The following ZNF567 variants were observed in gnomAD, a reference collection of about 807,000 sequenced individuals.
The protein encoded by ZNF567 is zinc finger protein 567.
A neutral mutation model predicts 53.9 loss-of-function variants in ZNF567; 36 were observed. That is an observed-to-expected ratio of 0.67 (90% CI 0.51 to 0.88). The LOEUF is 0.88. ZNF567 is among the 40% of genes least tolerant of loss of function. ZNF567 has a pLI of 0.00. For missense variants in ZNF567, 619 were observed against 764.7 expected, an observed-to-expected ratio of 0.81 and a Z score of 2.25; for synonymous variants, 224 against 260.4, an observed-to-expected ratio of 0.86 and a Z score of 1.35.
In ZNF567 at chr19:36,719,619, C is replaced by T; in HGVS notation, c.895C>T (p.His299Tyr). ...AFRRKSYLID[H>Y]QRTHTGEKPF... ...TAGAAGGAAATCATATCTCATTGATCATCAGAGAACTCACACAGGAGAGAA... is the reference window on the plus strand; with the variant it reads ...TAGAAGGAAATCATATCTCATTGATTATCAGAGAACTCACACAGGAGAGAA... Residue 299 changes from histidine to tyrosine, a missense_variant, in exon 6 of 6, where the codon CAT becomes TAT. By Grantham distance (83) the His-to-Tyr change is moderately conservative (BLOSUM62 2). Transcript: ENST00000682579. 6.2e-7 allele frequency: 1 copy of T among 1,613,962 alleles called. No homozygotes were observed. Among genetic ancestry groups the T allele is most frequent in the Non-Finnish European group, 8.5e-7 (1 of 1,179,894 alleles).
the ZNF567 span, among the ~76,000 whole-genome samples, chr19:36,672,889 G>T: frequency 6.6e-6 from 1 of 152,174 alleles, no homozygotes; most frequent in African/African-American, 2.4e-5. Context: ...ATACATAATG[G>T]ATAATGGAAG....
downstream of ZNF567, among the ~76,000 whole-genome samples, chr19:36,722,608 GT>G (rs920758742): frequency 5.3e-5 from 8 of 152,110 alleles, no homozygotes; most frequent in African/African-American, 1.9e-4. Flanking sequence ...CCTGAAAATT[GT>G]TTTTTAAAAG....
chr19:36,716,966 C>T (rs572520837), intron 5 of ZNF567, among the ~76,000 whole-genome samples: 2 of 152,084 alleles, frequency 1.3e-5, no homozygotes, highest in Non-Finnish European at 2.9e-5. Flanking sequence ...GCTGGGAGTA[C>T]AGGTGCATGC....
chr19:36,720,015 T>C lies in ZNF567; in HGVS notation c.1291T>C (p.Ser431Pro). 6.2e-7 allele frequency: 1 copy of C among 1,611,886 alleles called. No individual in the cohort carries two copies. Among genetic ancestry groups the C allele is most frequent in the Non-Finnish European group, 8.5e-7 (1 of 1,179,496 alleles). ...TTGTAATGAATGTGGGAAATCCTTC[T>C]CCCAGAAGACAACCCTTGCTCTTCA... is the stretch of plus-strand genomic sequence containing the variant. ...YICNECGKSF[S>P]QKTTLALHEK... The change falls in exon 6 of 6, where the codon TCC (serine) becomes CCC (proline). Residue 431 changes from serine to proline, a missense_variant. Coordinates refer to ENST00000682579, the MANE Select transcript of ZNF567 (RefSeq NM_001322917.1).
Position 36,720,782 on chromosome 19 carries a change from T to C in ZNF567, c.*114T>C. The C allele has an allele frequency of 1.1e-6, 1 of 939,446 alleles. No homozygotes were observed. The highest frequency in any genetic ancestry group is 1.5e-6 in the Non-Finnish European group (1 of 663,370). 58.2% of individuals were successfully genotyped at this position (939,446 alleles called of 1,614,324 possible). ...TTTTAAATCACAAGTCTAATAATTA[T>C]TAAAGTACCATACGGAATAACTGTC... On this transcript the variant is annotated 3_prime_UTR_variant, in exon 6 of 6. Coordinates refer to ENST00000682579, the MANE Select transcript of ZNF567 (RefSeq NM_001322917.1).
At chr19:36,683,701 T>G (rs3108556), upstream of ZNF567, among the ~76,000 whole-genome samples, 1 of 151,822 alleles carries the variant, frequency 6.6e-6, no homozygotes, top group Non-Finnish European at 1.5e-5. Context: ...CGTGGTGACA[T>G]GCGCCTTGTA....
downstream of ZNF567, among the ~76,000 whole-genome samples, chr19:36,725,572 A>G (rs540172774): frequency 2.7e-4 from 41 of 152,200 alleles, no homozygotes; most frequent in African/African-American, 4.8e-4. Flanking sequence ...GAAGAAAGTT[A>G]TCTTGTTTAA....
chr19:36,706,698 G>A (rs1211449312), intron 3 of ZNF567, among the ~76,000 whole-genome samples: 1 of 125,442 alleles, frequency 8.0e-6, no homozygotes, highest in Non-Finnish European at 1.6e-5. Context: ...TTTTGAGACA[G>A]GATCTTGTTC....
intron 2 of ZNF567, among the ~76,000 whole-genome samples, chr19:36,693,951 A>G (rs771485125): frequency 6.6e-6 from 1 of 152,224 alleles, no homozygotes; most frequent in African/African-American, 2.4e-5. Context: ...GTAATCACAT[A>G]TAGGAGGAGC....
At position 36,720,936 on chromosome 19, in the gene ZNF567, AATAC is replaced by A. The variant is rs1157883512; in HGVS notation, c.*271_*274del. On this transcript the variant is annotated 3_prime_UTR_variant, in exon 6 of 6. Coordinates refer to ENST00000682579, the MANE Select transcript of ZNF567 (RefSeq NM_001322917.1). ...GTTTATTTTTTAAAAATACTTATAT[AATAC>A]ATGCAGAGACAAGATACACAATGAT... The A allele has an allele frequency of 3.0e-5, 7 of 229,808 alleles. No homozygotes were observed. The highest frequency in any genetic ancestry group is 5.9e-5 in the Non-Finnish European group (7 of 118,008). 14.2% of individuals were successfully genotyped at this position (229,808 alleles called of 1,614,324 possible). A position where few individuals can be genotyped will look rare whatever the true frequency, so the allele number is the denominator to read the frequency against.
At chr19:36,693,817 G>A (rs887782890) in intron 2 of ZNF567, among the ~76,000 whole-genome samples, 7 of 152,136 alleles carry the variant, frequency 4.6e-5, no homozygotes, top group Non-Finnish European at 8.8e-5. Flanking sequence ...AGATTCTGGA[G>A]TACTTTGTGA....
At chr19:36,676,009 T>A in the ZNF567 span, among the ~76,000 whole-genome samples, 1 of 149,768 alleles carries the variant, frequency 6.7e-6, no homozygotes, top group African/African-American at 2.4e-5. Flanking sequence ...CTGTAGCCAC[T>A]GTCAGCATGT....
Position 36,719,399 on chromosome 19 carries a change from G to A in ZNF567, c.675G>A (p.Leu225=), listed in dbSNP as rs1426849255. 6.2e-7 allele frequency: 1 copy of A among 1,613,746 alleles called. No homozygotes were observed. Among genetic ancestry groups the A allele is most frequent in the African/African-American group, 1.3e-5 (1 of 74,944 alleles). ...CEKSFLQRGG[L]ITHSRPYKGE... ...AATCATTCCTTCAAAGGGGAGGCCT[G>A]ATTACACATAGTAGACCTTACAAAG... The change falls in exon 6 of 6, where the codon CTG becomes CTA. Residue 225 remains leucine (L), a synonymous_variant. Transcript: ENST00000682579.
the ZNF567 span, among the ~76,000 whole-genome samples, chr19:36,679,644 C>T: frequency 6.6e-6 from 1 of 152,152 alleles, no homozygotes; most frequent in Non-Finnish European, 1.5e-5. Flanking sequence ...GAATACTATT[C>T]AGCCTTAAAC....
At position 36,719,977 on chromosome 19, in the gene ZNF567, A is replaced by G; in HGVS notation, c.1253A>G (p.Glu418Gly). Residue 418 changes from glutamate to glycine, a missense_variant, in exon 6 of 6, where the codon GAA (glutamate) becomes GGA (glycine). Coordinates refer to ENST00000682579, the MANE Select transcript of ZNF567 (RefSeq NM_001322917.1). Reference sequence around the variant, plus strand: ...GTACATCAGAGAACTCATACAGGGGAAAAGCCCTATATTTGTAATGAATGT... The same window carrying G: ...GTACATCAGAGAACTCATACAGGGGGAAAGCCCTATATTTGTAATGAATGT... ...LTVHQRTHTG[E>G]KPYICNECGK... The G allele has an allele frequency of 1.2e-6, 2 of 1,614,054 alleles. No individual in the cohort carries two copies. Among genetic ancestry groups the G allele is most frequent in the Non-Finnish European group, 1.7e-6 (2 of 1,180,008 alleles).
chr19:36,693,875 G>GA (rs1036249289), intron 2 of ZNF567, among the ~76,000 whole-genome samples: 12 of 151,914 alleles, frequency 7.9e-5, no homozygotes, highest in South Asian at 6.2e-4. Context: ...TTTTTACATA[G>GA]AAAAAAAACA....
downstream of ZNF567, among the ~76,000 whole-genome samples, chr19:36,724,995 G>A (rs2040330042): frequency 6.6e-6 from 1 of 151,956 alleles, no homozygotes; most frequent in Admixed American, 6.6e-5. Context: ...AATGATTAAT[G>A]TAGGTTTCTT....
At chr19:36,685,180 C>T (rs1183763107), upstream of ZNF567, among the ~76,000 whole-genome samples, 1 of 151,944 alleles carries the variant, frequency 6.6e-6, no homozygotes, top group African/African-American at 2.4e-5. Flanking sequence ...CTCAGCTACT[C>T]GGAAGGCTGA....
At chr19:36,710,640 A>G (rs1338441556) in intron 3 of ZNF567, among the ~76,000 whole-genome samples, 1 of 152,130 alleles carries the variant, frequency 6.6e-6, no homozygotes, top group Non-Finnish European at 1.5e-5. Context: ...GAAAGCAGAT[A>G]GGTTCTCTCT....
Sources: gnomAD v4.1 joint callset for allele counts (sites outside exome capture counted in the v4.1 genomes callset) on GRCh38, gnomAD v4.1.1 for gene constraint, MANE v1.5 for transcripts, NCBI Gene and HGNC (gene_info 2026-07-23, HGNC 2026-07-21) for gene names.